PHIP: variants seen among roughly 807,000 people sequenced by gnomAD.
The protein encoded by PHIP is PHIP subunit of CUL4-Ring ligase complex.
PHIP carries 54 observed loss-of-function variants against 236.8 expected under a neutral mutation model. The ratio of observed to expected loss-of-function variants is 0.23; its 90% CI spans 0.18 to 0.29. PHIP has a LOEUF of 0.29. PHIP is among the 10% of genes least tolerant of loss of function. The pLI, the probability that PHIP is intolerant of heterozygous loss-of-function variation, is 1.00. For synonymous variants in PHIP, 756 were observed against 718.9 expected, an observed-to-expected ratio of 1.05 and a Z score of -0.83; for missense variants, 1,370 against 2,190.8, an observed-to-expected ratio of 0.63 and a Z score of 7.48.
chr6:79,000,994 T>G (rs1562168573), intron 17 of PHIP, among the ~76,000 whole-genome samples: 1 of 152,078 alleles, frequency 6.6e-6, no homozygotes, highest in Non-Finnish European at 1.5e-5. Flanking sequence ...AAAAATAAGA[T>G]GCACGTTTGA....
intron 6 of PHIP, among the ~76,000 whole-genome samples, chr6:79,044,423 C>A (rs1310111581): frequency 6.6e-6 from 1 of 152,124 alleles, no homozygotes; most frequent in East Asian, 1.9e-4. Context: ...ATTTTCTTCA[C>A]GCCCAGGAAT....
intron 6 of PHIP, among the ~76,000 whole-genome samples, chr6:79,048,647 T>G (rs1260194663): frequency 6.6e-6 from 1 of 152,156 alleles, no homozygotes; most frequent in Non-Finnish European, 1.5e-5. Flanking sequence ...GACTATGAAT[T>G]AACAAAATAC....
At chr6:78,971,956 C>G (rs532250390) in intron 24 of PHIP, among the ~76,000 whole-genome samples, 1 of 152,136 alleles carries the variant, frequency 6.6e-6, no homozygotes, top group African/African-American at 2.4e-5. Context: ...GGGGGAGGGG[C>G]GCCCACCATT....
At chr6:78,953,494 C>T (rs1189356304) in intron 35 of PHIP, among the ~76,000 whole-genome samples, 1 of 152,140 alleles carries the variant, frequency 6.6e-6, no homozygotes, top group South Asian at 2.1e-4. Flanking sequence ...AAAGCGAAAT[C>T]CATAAGTTGT....
At chr6:79,008,702 A>C (rs1302044824) in intron 15 of PHIP, among the ~76,000 whole-genome samples, 3 of 152,186 alleles carry the variant, frequency 2.0e-5, no homozygotes, top group Admixed American at 1.3e-4. Flanking sequence ...TATATACTAT[A>C]AGAAACACTT....
chr6:79,046,263 C>A (rs1207213680), intron 6 of PHIP, among the ~76,000 whole-genome samples: 1 of 152,094 alleles, frequency 6.6e-6, no homozygotes, highest in Non-Finnish European at 1.5e-5. Flanking sequence ...GGCTAATTCC[C>A]TTATACCTTT....
chr6:79,033,940 G>C (rs1582258255), intron 7 of PHIP, among the ~76,000 whole-genome samples: 2 of 152,128 alleles, frequency 1.3e-5, no homozygotes, highest in Non-Finnish European at 2.9e-5. Context: ...GGCCCAAGGA[G>C]AGAAAAATGG....
intron 7 of PHIP, among the ~76,000 whole-genome samples, chr6:79,036,408 CT>C (rs1157752036): frequency 7.7e-6 from 1 of 130,706 alleles, no homozygotes; most frequent in Non-Finnish European, 1.8e-5. Flanking sequence ...TGACCATACT[CT>C]GCCTCTTTTC....
intron 4 of PHIP, among the ~76,000 whole-genome samples, chr6:79,067,489 G>A (rs1199193205): frequency 2.6e-5 from 4 of 152,144 alleles, no homozygotes; most frequent in South Asian, 2.1e-4. Context: ...TATTTAGAGT[G>A]CAAGTCAGCA....
rs982294745 is a variant in PHIP at position 78,935,077 on chromosome 6, T to C, written c.*5616A>G. ...TACTGGGGAATCCTGGGTCATAAAATTGGTATTATTACAAAAGAGAAATAA... is the reference window on the plus strand; with the variant it reads ...TACTGGGGAATCCTGGGTCATAAAACTGGTATTATTACAAAAGAGAAATAA... On this transcript the variant is annotated 3_prime_UTR_variant, in exon 40 of 40. Coordinates refer to ENST00000275034, the MANE Select transcript of PHIP (RefSeq NM_017934.7). 7.2e-5 allele frequency among the ~76,000 whole-genome samples: 11 copies of C among 152,284 alleles called. No homozygotes were observed. In the South Asian group the frequency reaches 2.3e-3, roughly 32 times the overall value.
At chr6:79,015,278 A>G (rs1770783193) in intron 14 of PHIP, 62 bp from the exon 15 acceptor site, 1 of 1,311,418 alleles carries the variant, frequency 7.6e-7, no homozygotes, top group Non-Finnish European at 1.1e-6. Flanking sequence ...AAACAAACAT[A>G]ATGAAATACC....
chr6:78,971,429 A>C (rs1187543559), intron 24 of PHIP, among the ~76,000 whole-genome samples: 1 of 152,210 alleles, frequency 6.6e-6, no homozygotes, highest in African/African-American at 2.4e-5. Flanking sequence ...TAGTAGAAGA[A>C]CGTGTTTTAA....
At chr6:78,994,323 A>ATT (rs1381273085) in intron 19 of PHIP, among the ~76,000 whole-genome samples, 1 of 152,344 alleles carries the variant, frequency 6.6e-6, no homozygotes, top group African/African-American at 2.4e-5. Context: ...CATGCCTGTA[A>ATT]TCTCAGCACT....
intron 29 of PHIP, among the ~76,000 whole-genome samples, chr6:78,964,327 G>A (rs1001219536): frequency 6.6e-6 from 1 of 152,082 alleles, no homozygotes; most frequent in East Asian, 1.9e-4. Flanking sequence ...TGAGGTCTAC[G>A]AGACTGGGTT....
chr6:78,991,394 C>G (rs1051730653), intron 19 of PHIP, among the ~76,000 whole-genome samples: 1 of 149,518 alleles, frequency 6.7e-6, no homozygotes, highest in Non-Finnish European at 1.5e-5. Context: ...AAATTCAATA[C>G]AACAGACCCT....
At chr6:78,944,991 CAAT>C in intron 39 of PHIP, among the ~76,000 whole-genome samples, 1 of 151,792 alleles carries the variant, frequency 6.6e-6, no homozygotes, top group Non-Finnish European at 1.5e-5. Flanking sequence ...TTTTGTGATC[CAAT>C]AATTACTTAA....
In PHIP at chr6:78,998,139, C is replaced by T. The variant is rs567548093; in HGVS notation, c.2017+115G>A. 12 of 712,460 alleles carry T rather than the reference C, an allele frequency of 1.7e-5. No individual in the cohort carries two copies. In the African/African-American group the frequency reaches 1.8e-4, roughly 11 times the overall value. 44.1% of individuals were successfully genotyped at this position (712,460 alleles called of 1,614,324 possible). On this transcript the variant is annotated intron_variant, in intron 18 of 39. Coordinates refer to ENST00000275034, the MANE Select transcript of PHIP (RefSeq NM_017934.7). ...TTCAAAACCATGATCATTTTGGCAACCTAATATTTCATTTTACGGATGTAC... is the reference window on the plus strand; with the variant it reads ...TTCAAAACCATGATCATTTTGGCAATCTAATATTTCATTTTACGGATGTAC...
chr6:78,965,707 AT>A lies in PHIP; in HGVS notation c.3374del (p.Asn1125IlefsTer9). 6.5e-7 allele frequency: 1 copy of A among 1,529,678 alleles called. No homozygotes were observed. The highest frequency in any genetic ancestry group is 9.0e-7 in the Non-Finnish European group (1 of 1,108,868). 94.8% of individuals were successfully genotyped at this position (1,529,678 alleles called of 1,614,324 possible). A position where few individuals can be genotyped will look rare whatever the true frequency, so the allele number is the denominator to read the frequency against. Reference protein sequence around the residue: ...MSPWDMELIPNNAVFPEELGT... With the variant: ...MSPWDMELIPXNAVFPEELGT... ...AAAAGCCTAACACACACTTACCATT[AT>A]TAGGTATAAGCTCCATATCCCAAGG... is the stretch of plus-strand genomic sequence containing the variant. On this transcript the variant is annotated frameshift_variant, in exon 29 of 40. Coordinates refer to ENST00000275034, the MANE Select transcript of PHIP (RefSeq NM_017934.7). LOFTEE classifies it high-confidence loss of function.
In PHIP at chr6:78,983,002, C is replaced by G. The variant is rs1210040026; in HGVS notation, c.2653G>C (p.Glu885Gln). Residue 885 changes from glutamate (E) to glutamine (Q), a missense_variant, in exon 23 of 40, where the codon GAA becomes CAA. Transcript: ENST00000275034. ...TTTTGCTTCTGTTTTTCAGATTCTT[C>G]TTCTTCATCTGAACTGCTTTCTGCT... is the stretch of plus-strand genomic sequence containing the variant. Reference protein sequence around the residue: ...KKAESSSDEEEESEKQKQKQI... With the variant: ...KKAESSSDEEQESEKQKQKQI... 2 of 1,606,856 alleles carry G rather than the reference C, an allele frequency of 1.2e-6. No homozygotes were observed. Among genetic ancestry groups the G allele is most frequent in the African/African-American group, 2.7e-5 (2 of 74,474 alleles).
Sources: gnomAD v4.1 joint callset for allele counts (sites outside exome capture counted in the v4.1 genomes callset) on GRCh38, gnomAD v4.1.1 for gene constraint, MANE v1.5 for transcripts, NCBI Gene and HGNC (gene_info 2026-07-23, HGNC 2026-07-21) for gene names.